ZBTB7C: variants seen among roughly 807,000 people sequenced by gnomAD.
ZBTB7C encodes zinc finger and BTB domain containing 7C.
ZBTB7C carries 8 observed loss-of-function variants against 25.7 expected under a neutral mutation model. The observed-to-expected ratio is 0.31, with a 90% CI of 0.18 to 0.56. The LOEUF (loss-of-function observed/expected upper bound fraction) is 0.56. ZBTB7C is among the 20% of genes least tolerant of loss of function. The pLI is 0.91. For missense variants in ZBTB7C, 824 were observed against 855.2 expected, an observed-to-expected ratio of 0.96 and a Z score of 0.46; for synonymous variants, 394 against 369.0, an observed-to-expected ratio of 1.07 and a Z score of -0.78.
chr18:48,388,339 G>A (rs1322478692), intron 1 of ZBTB7C, among the ~76,000 whole-genome samples: 1 of 151,704 alleles, frequency 6.6e-6, no homozygotes, highest in African/African-American at 2.4e-5. Context: ...TTGTCTCAAT[G>A]GACATTCATC....
At chr18:48,112,549 T>G (rs2144674192) in intron 3 of ZBTB7C, among the ~76,000 whole-genome samples, 1 of 152,262 alleles carries the variant, frequency 6.6e-6, no homozygotes, top group Admixed American at 6.5e-5. Flanking sequence ...GGTTTCACCA[T>G]GTTGGCCAGG....
At chr18:48,266,796 G>A (rs1484229197) in intron 2 of ZBTB7C, among the ~76,000 whole-genome samples, 1 of 152,030 alleles carries the variant, frequency 6.6e-6, no homozygotes, top group Non-Finnish European at 1.5e-5. Flanking sequence ...AATGTTACAG[G>A]TAGCTATATA....
intron 2 of ZBTB7C, among the ~76,000 whole-genome samples, chr18:48,294,787 C>A (rs2045341123): frequency 1.3e-5 from 2 of 152,080 alleles, no homozygotes; most frequent in Admixed American, 6.6e-5. Context: ...GCAGGGAAGG[C>A]TATCTTGGCT....
chr18:48,031,192 G>C (rs548422703), intron 4 of ZBTB7C, among the ~76,000 whole-genome samples: 115 of 152,292 alleles, frequency 7.6e-4, no homozygotes, highest in African/African-American at 2.6e-3. Context: ...GGCCACTAGA[G>C]GTCTCACCAG....
chr18:48,371,044 G>A (rs1211764559), intron 1 of ZBTB7C, among the ~76,000 whole-genome samples: 1 of 152,168 alleles, frequency 6.6e-6, no homozygotes, highest in African/African-American at 2.4e-5. Flanking sequence ...TGTACAAAAG[G>A]GTAGGTGTGT....
intron 2 of ZBTB7C, among the ~76,000 whole-genome samples, chr18:48,273,762 G>T (rs1004873094): frequency 1.3e-5 from 2 of 152,034 alleles, no homozygotes; most frequent in Non-Finnish European, 2.9e-5. Context: ...ATGTTTGAAA[G>T]AATCTCTAAT....
chr18:48,154,435 A>T (rs1226301669), intron 3 of ZBTB7C, among the ~76,000 whole-genome samples: 1 of 152,162 alleles, frequency 6.6e-6, no homozygotes, highest in Non-Finnish European at 1.5e-5. Context: ...ACCCCAGAGG[A>T]TTGTAGCCAT....
At position 48,399,424 on chromosome 18, in the gene ZBTB7C, TA is replaced by T. The variant is rs2048108197; in HGVS notation, c.-304+9801del. ...ATAAAAAATCTGCTTTAGGAAAACA[TA>T]AAAGAGAAATCCTCATTTAAAAACA... On this transcript the variant is annotated intron_variant, in intron 1 of 4. Transcript: ENST00000590800. Among the ~76,000 whole-genome samples, 3 of 152,332 alleles carry T rather than the reference TA, an allele frequency of 2.0e-5. No individual in the cohort carries two copies. In the East Asian group the frequency reaches 5.8e-4, roughly 29 times the overall value.
At chr18:48,282,951 G>A (rs1057281464) in intron 2 of ZBTB7C, among the ~76,000 whole-genome samples, 1 of 152,138 alleles carries the variant, frequency 6.6e-6, no homozygotes, top group Non-Finnish European at 1.5e-5. Context: ...TATTCAATGT[G>A]TGAAAATTCA....
intron 2 of ZBTB7C, among the ~76,000 whole-genome samples, chr18:48,271,783 C>T (rs1371486103): frequency 4.0e-5 from 6 of 151,728 alleles, no homozygotes; most frequent in East Asian, 1.9e-4. Context: ...TACTCAGTCA[C>T]GATAACTTGG....
chr18:48,036,730 T>C (rs898305870), intron 4 of ZBTB7C, among the ~76,000 whole-genome samples: 1 of 152,090 alleles, frequency 6.6e-6, no homozygotes, highest in African/African-American at 2.4e-5. Flanking sequence ...GAATTCTGCG[T>C]CAACGAGGCA....
At chr18:48,375,979 A>G (rs888425044) in intron 1 of ZBTB7C, among the ~76,000 whole-genome samples, 1 of 152,194 alleles carries the variant, frequency 6.6e-6, no homozygotes, top group Non-Finnish European at 1.5e-5. Flanking sequence ...AGTGTTTCTC[A>G]AATGGTAGTG....
rs2040447029 is a variant in ZBTB7C at position 48,144,648 on chromosome 18, A to T, written c.-17+41286T>A. On this transcript the variant is annotated intron_variant, in intron 3 of 4. Coordinates refer to ENST00000590800, the MANE Select transcript of ZBTB7C (RefSeq NM_001318841.2). Reference sequence around the variant, plus strand: ...GGTGTGAGCCACTACACCAGGCCAAATTTTTTTAGTAGTTATGTTGCTGTG... The same window carrying T: ...GGTGTGAGCCACTACACCAGGCCAATTTTTTTTAGTAGTTATGTTGCTGTG... Among the ~76,000 whole-genome samples the T allele has an allele frequency of 3.3e-5, 5 of 152,126 alleles. No homozygotes were observed. The South Asian group carries it at 1.0e-3, about 32-fold the overall frequency.
At chr18:48,256,138 A>G (rs1431325639) in intron 2 of ZBTB7C, among the ~76,000 whole-genome samples, 1 of 152,138 alleles carries the variant, frequency 6.6e-6, no homozygotes, top group Non-Finnish European at 1.5e-5. Flanking sequence ...TTTAAAAAAA[A>G]CTATAAACCC....
chr18:48,200,236 C>T (rs1037007477), intron 2 of ZBTB7C, among the ~76,000 whole-genome samples: 4 of 152,040 alleles, frequency 2.6e-5, no homozygotes, highest in African/African-American at 9.7e-5. Context: ...GCACGGTGAC[C>T]CCAAATCATC....
intron 3 of ZBTB7C, among the ~76,000 whole-genome samples, chr18:48,089,239 C>A (rs918253595): frequency 1.3e-5 from 2 of 151,764 alleles, no homozygotes; most frequent in Admixed American, 6.6e-5. Flanking sequence ...GAGGCTGAGG[C>A]GGGTGGATCA....
chr18:48,260,342 T>C (rs909947283), intron 2 of ZBTB7C, among the ~76,000 whole-genome samples: 1 of 152,168 alleles, frequency 6.6e-6, no homozygotes, highest in Non-Finnish European at 1.5e-5. Context: ...CCCTTCCCCC[T>C]GGGCACTAGG....
chr18:48,367,372 A>AT (rs1555752154), intron 1 of ZBTB7C, among the ~76,000 whole-genome samples: 25,479 of 113,924 alleles, frequency 0.22, 3,174 homozygotes, highest in Non-Finnish European at 0.3. Context: ...ATATATATAT[A>AT]AAATACAAAC....
chr18:48,075,365 C>T (rs564320635), intron 3 of ZBTB7C, among the ~76,000 whole-genome samples: 18 of 152,140 alleles, frequency 1.2e-4, no homozygotes, highest in Non-Finnish European at 2.5e-4. Flanking sequence ...GCTGGTGATG[C>T]GACAAAGGGC....
Sources: allele counts gnomAD v4.1 joint callset (sites outside exome capture counted in the v4.1 genomes callset), GRCh38; gene constraint gnomAD v4.1.1; transcripts MANE v1.5; gene names NCBI Gene and HGNC (gene_info 2026-07-23, HGNC 2026-07-21).